ACAA2: variants seen among roughly 807,000 people sequenced by gnomAD.
ACAA2 encodes the protein acetyl-CoA acyltransferase 2, also known as 3-ketoacyl-CoA thiolase, mitochondrial.
Under a neutral mutation model 44.8 loss-of-function variants are expected in ACAA2, and 35 were observed. That is an observed-to-expected ratio of 0.78 (90% CI 0.60 to 1.04). The LOEUF is 1.04. ACAA2 is among the 50% of genes least tolerant of loss of function. The probability of loss-of-function intolerance (pLI) is 0.00; values close to 1 mark genes in which losing one functional copy is unlikely to be tolerated. For missense variants in ACAA2, 468 were observed against 482.6 expected (o/e 0.97, Z 0.28); for synonymous variants, 142 against 166.5 (o/e 0.85, Z 1.13).
At position 49,795,884 on chromosome 18, in the gene ACAA2, A is replaced by G; in HGVS notation, c.313-3T>C. 1 of 1,593,098 alleles carries G rather than the reference A, an allele frequency of 6.3e-7. No individual in the cohort carries two copies. The highest frequency in any genetic ancestry group is 8.6e-7 in the Non-Finnish European group (1 of 1,165,694). Reference sequence around the variant, plus strand: ...TCAGCTTCTTTAACACAAATTTCCTATTTAAAAACAAACAGTAATAAAAAC... The same window carrying G: ...TCAGCTTCTTTAACACAAATTTCCTGTTTAAAAACAAACAGTAATAAAAAC... On this transcript the variant is annotated splice_region_variant and splice_polypyrimidine_tract_variant and intron_variant, in intron 3 of 9. Transcript: ENST00000285093.
chr18:49,796,352 T>G (rs1348864460), intron 3 of ACAA2, among the ~76,000 whole-genome samples: 1 of 152,170 alleles, frequency 6.6e-6, no homozygotes, highest in Admixed American at 6.5e-5. Context: ...TCCAACACTT[T>G]CCACTGTTTG....
intron 2 of ACAA2, among the ~76,000 whole-genome samples, 199 bp from the exon 3 acceptor site, chr18:49,797,793 G>T (rs1215610317): frequency 6.6e-6 from 1 of 151,892 alleles, no homozygotes; most frequent in African/African-American, 2.4e-5. Context: ...AGTCAATTGG[G>T]TTTTTTTCTA....
At position 49,801,395 on chromosome 18, in the gene ACAA2, A is replaced by G. The variant is rs374191744; in HGVS notation, c.183+1292T>C. On this transcript the variant is annotated intron_variant, in intron 2 of 9. Transcript: ENST00000285093. Reference sequence around the variant, plus strand: ...TGAGAGAATACATGCTGGGAAAAAAATATTTTTCCTTCAAAATTCTAGAAA... The same window carrying G: ...TGAGAGAATACATGCTGGGAAAAAAGTATTTTTCCTTCAAAATTCTAGAAA... 3.9e-5 allele frequency among the ~76,000 whole-genome samples: 6 copies of G among 152,344 alleles called. No homozygotes were observed. In the East Asian group the frequency reaches 1.2e-3, roughly 29 times the overall value.
intron 1 of ACAA2, among the ~76,000 whole-genome samples, chr18:49,807,211 A>G (rs546552797): frequency 6.6e-6 from 1 of 152,294 alleles, no homozygotes; most frequent in East Asian, 1.9e-4. Context: ...CCTAGGCAAC[A>G]TAGCGAGATC....
intron 1 of ACAA2, chr18:49,812,885 T>C (rs2023686822): frequency 1.3e-5 from 2 of 152,272 alleles, no homozygotes; most frequent in Non-Finnish European, 2.9e-5. Context: ...CCACTTGTTT[T>C]GAAAAGGGAG....
rs983411862 is a variant in ACAA2 at position 49,795,951 on chromosome 18, AT to A, written c.313-71del. 2.4e-5 allele frequency: 22 copies of A among 926,130 alleles called. 1 individual carries two copies. The African/African-American group carries it at 3.2e-4, about 13-fold the overall frequency. The allele number at this position is 926,130 out of a possible 1,614,324, so 57.4% of individuals were successfully genotyped here. A position where few individuals can be genotyped will look rare whatever the true frequency, so the allele number is the denominator to read the frequency against. The stretch of plus-strand genomic sequence containing the variant: ...AAACAATGTATTAAGAAACACACTG[AT>A]TTTACAAATTAATGGTAAATCAAAC... On this transcript the variant is annotated intron_variant, in intron 3 of 9. Transcript: ENST00000285093.
intron 5 of ACAA2, 130 bp downstream of exon 5, chr18:49,794,150 G>C: frequency 1.4e-6 from 1 of 735,672 alleles, no homozygotes; most frequent in South Asian, 3.9e-5. Context: ...AAAGACAAAG[G>C]AATAATGAAA....
intron 8 of ACAA2, among the ~76,000 whole-genome samples, 168 bp downstream of exon 8, chr18:49,787,123 A>T (rs2276168): frequency 0.22 from 34,025 of 151,996 alleles, 3,987 homozygotes; most frequent in East Asian, 0.4. Flanking sequence ...AAAAGTATCA[A>T]CACAAGGCAT....
At chr18:49,795,278 G>T (rs1182651751) in intron 4 of ACAA2, among the ~76,000 whole-genome samples, 1 of 152,118 alleles carries the variant, frequency 6.6e-6, no homozygotes. Flanking sequence ...AAAGATAAAA[G>T]AATCAGTTTT....
Position 49,792,214 on chromosome 18 carries a change from G to C in ACAA2, c.691C>G (p.Gln231Glu), listed in dbSNP as rs2023410556. ...AATACTGGAGGAAGTTTCTGTAACT[G>C]TTCCAGGGTGGTTTGGGGCCGAGCA... ...EHARPQTTLE[Q>E]LQKLPPVFKK... Residue 231 changes from glutamine to glutamate, a missense_variant, in exon 6 of 10, where the codon CAG becomes GAG. Gln to Glu is a conservative substitution (Grantham distance 29). Coordinates refer to ENST00000285093, the MANE Select transcript of ACAA2 (RefSeq NM_006111.3). 1.2e-6 allele frequency: 2 copies of C among 1,614,108 alleles called. No homozygotes were observed. Among genetic ancestry groups the C allele is most frequent in the Middle Eastern group, 1.7e-4 (1 of 6,014 alleles).
intron 5 of ACAA2, among the ~76,000 whole-genome samples, chr18:49,793,526 G>A (rs1225275498): frequency 4.6e-5 from 7 of 152,084 alleles, no homozygotes; most frequent in African/African-American, 7.2e-5. Context: ...GAACATATAA[G>A]TAAAAAAACA....
In ACAA2 at chr18:49,794,439, C is replaced by G. The variant is rs2023441576; in HGVS notation, c.430-12G>C. The G allele has an allele frequency of 6.4e-7, 1 of 1,557,854 alleles. No individual in the cohort carries two copies. Among genetic ancestry groups the G allele is most frequent in the African/African-American group, 1.4e-5 (1 of 72,302 alleles). On this transcript the variant is annotated splice_polypyrimidine_tract_variant and intron_variant, in intron 4 of 9. Transcript: ENST00000285093. The stretch of plus-strand genomic sequence containing the variant: ...AAAGAATCTTCCAGCTATTAAAAGA[C>G]ATTAATAAAGTGACTTGTTAAGGCA...
intron 1 of ACAA2, among the ~76,000 whole-genome samples, chr18:49,808,443 G>C (rs1258792455): frequency 1.3e-5 from 2 of 152,156 alleles, no homozygotes; most frequent in African/African-American, 4.8e-5. Context: ...AGGCAACCAC[G>C]ATGTCCTATC....
chr18:49,806,031 A>G lies in ACAA2; in HGVS notation c.17-3178T>C, dbSNP rs1476801664. Among the ~76,000 whole-genome samples, 4 of 152,146 alleles carry G rather than the reference A, an allele frequency of 2.6e-5. No homozygotes were observed. In the East Asian group the frequency reaches 5.8e-4, roughly 22 times the overall value. On this transcript the variant is annotated intron_variant, in intron 1 of 9. Coordinates refer to ENST00000285093, the MANE Select transcript of ACAA2 (RefSeq NM_006111.3). ...AGATAACAATGAAAAACTCCAGACA[A>G]TATATAAGAACAACTACTACCTGAC... is the stretch of plus-strand genomic sequence containing the variant.
chr18:49,793,539 C>T (rs1021599636), intron 5 of ACAA2, among the ~76,000 whole-genome samples: 9 of 152,188 alleles, frequency 5.9e-5, no homozygotes, highest in African/African-American at 1.4e-4. Context: ...AAAAAACACA[C>T]GAGTTAGATG....
intron 1 of ACAA2, among the ~76,000 whole-genome samples, chr18:49,805,711 G>A (rs2023603307): frequency 6.6e-6 from 1 of 151,768 alleles, no homozygotes; most frequent in African/African-American, 2.4e-5. Flanking sequence ...CAAGTAGGTA[G>A]GACTACAGGC....
chr18:49,792,372 C>A, intron 5 of ACAA2, 45 bp from the exon 6 acceptor site: 1 of 1,485,876 alleles, frequency 6.7e-7, no homozygotes, highest in Non-Finnish European at 9.3e-7. Flanking sequence ...AAGAGAGAAA[C>A]ATGAAAATAA....
At chr18:49,795,358 G>A (rs528863362) in intron 4 of ACAA2, among the ~76,000 whole-genome samples, 18 of 152,240 alleles carry the variant, frequency 1.2e-4, no homozygotes, top group African/African-American at 4.3e-4. Flanking sequence ...TCTATTCTGA[G>A]ACTGTCCCAG....
At chr18:49,802,254 T>C (rs769449425) in intron 2 of ACAA2, among the ~76,000 whole-genome samples, 37 of 152,326 alleles carry the variant, frequency 2.4e-4, no homozygotes, top group Admixed American at 1.8e-3. Context: ...ATTACTCAAA[T>C]TACAAACGTA....
Sources: gnomAD v4.1 joint callset for allele counts (sites outside exome capture counted in the v4.1 genomes callset) on GRCh38, gnomAD v4.1.1 for gene constraint, MANE v1.5 for transcripts, NCBI Gene and HGNC (gene_info 2026-07-23, HGNC 2026-07-21) for gene names.